ZPBP: variants seen among roughly 807,000 people sequenced by gnomAD.
ZPBP encodes the protein zona pellucida binding protein, also known as zona pellucida-binding protein 1.
A neutral mutation model predicts 44.8 loss-of-function variants in ZPBP; 26 were observed. The ratio of observed to expected loss-of-function variants is 0.58; its 90% CI spans 0.43 to 0.81. The LOEUF is 0.81. Among genes scored for constraint, ZPBP ranks in the 30% least tolerant of loss-of-function variants. ZPBP has a pLI of 0.00. For synonymous variants in ZPBP, 174 were observed against 153.2 expected, an observed-to-expected ratio of 1.14 and a Z score of -1.00; for missense variants, 409 against 434.0, an observed-to-expected ratio of 0.94 and a Z score of 0.51.
At chr7:49,958,529 G>T (rs10270352) in intron 7 of ZPBP, among the ~76,000 whole-genome samples, 1,853 of 152,250 alleles carry the variant, frequency 0.012, 14 homozygotes, top group Non-Finnish European at 0.018. Flanking sequence ...TCAGTCTCTT[G>T]CTCCATCTCA....
chr7:50,075,303 G>A (rs932910530), intron 3 of ZPBP, among the ~76,000 whole-genome samples: 3 of 151,786 alleles, frequency 2.0e-5, no homozygotes, highest in Non-Finnish European at 4.4e-5. Context: ...AGCTATTTAA[G>A]TGCCTACATT....
intron 1 of ZPBP, among the ~76,000 whole-genome samples, chr7:49,931,401 A>T (rs951170718): frequency 2.0e-5 from 3 of 152,202 alleles, no homozygotes; most frequent in South Asian, 4.1e-4. Flanking sequence ...TGATAGCAAT[A>T]TGGACAATGA....
chr7:50,012,898 A>T (rs1798653527), intron 6 of ZPBP, among the ~76,000 whole-genome samples: 1 of 136,840 alleles, frequency 7.3e-6, no homozygotes. Context: ...ATCCTCAGTA[A>T]TCTGTAAAAA....
chr7:50,071,944 C>A (rs1801859688), intron 3 of ZPBP, among the ~76,000 whole-genome samples: 1 of 152,182 alleles, frequency 6.6e-6, no homozygotes, highest in East Asian at 1.9e-4. Flanking sequence ...AGCACATGAC[C>A]AGCTGTGGTG....
chr7:49,894,706 C>T (rs1321965983), intron 2 of ZPBP, among the ~76,000 whole-genome samples: 7 of 152,182 alleles, frequency 4.6e-5, no homozygotes, highest in African/African-American at 1.7e-4. Flanking sequence ...GGGCCTAGGG[C>T]TGTCACTGAG....
chr7:49,875,280 G>C (rs1050999744), intron 2 of ZPBP, among the ~76,000 whole-genome samples: 6 of 138,292 alleles, frequency 4.3e-5, no homozygotes, highest in African/African-American at 1.6e-4. Context: ...TGAGGCAGGA[G>C]AATCGCCTGA....
chr7:50,018,724 T>C (rs1429651685), intron 5 of ZPBP, among the ~76,000 whole-genome samples: 1 of 152,022 alleles, frequency 6.6e-6, no homozygotes, highest in Non-Finnish European at 1.5e-5. Context: ...TGCAAAATGA[T>C]AGAGGTAGGA....
At chr7:50,079,381 C>T (rs2128850303) in intron 3 of ZPBP, among the ~76,000 whole-genome samples, 1 of 151,622 alleles carries the variant, frequency 6.6e-6, no homozygotes, top group South Asian at 2.1e-4. Flanking sequence ...TAATATCTGA[C>T]ACATAGTAAT....
intron 7 of ZPBP, chr7:49,943,395 AG>A: frequency 2.5e-6 from 1 of 392,972 alleles, no homozygotes; most frequent in South Asian, 2.2e-5. Context: ...ATGTATTTCC[AG>A]ATATTTCATC....
At chr7:49,865,235 A>C (rs1790828698) in intron 2 of ZPBP, among the ~76,000 whole-genome samples, 1 of 152,106 alleles carries the variant, frequency 6.6e-6, no homozygotes, top group Non-Finnish European at 1.5e-5. Flanking sequence ...AGAAAGGCAA[A>C]AGCTTCTTGA....
chr7:49,929,580 C>T (rs1461561532), intron 1 of ZPBP, among the ~76,000 whole-genome samples: 1 of 152,208 alleles, frequency 6.6e-6, no homozygotes, highest in African/African-American at 2.4e-5. Context: ...ATCATGTCCA[C>T]CTGGATAAGT....
intron 6 of ZPBP, among the ~76,000 whole-genome samples, chr7:49,996,958 T>C (rs775335639): frequency 4.6e-5 from 7 of 152,230 alleles, no homozygotes; most frequent in Non-Finnish European, 7.3e-5. Context: ...ATCCAATTAC[T>C]TCCGTTGCAT....
chr7:49,940,699 G>T, intron 7 of ZPBP: 169 of 818,602 alleles, frequency 2.1e-4, no homozygotes, highest in Non-Finnish European at 2.3e-4. Flanking sequence ...AAAAAAAATT[G>T]TGGCATTTTT....
chr7:49,987,803 T>C (rs1307697597), intron 6 of ZPBP, among the ~76,000 whole-genome samples: 1 of 151,364 alleles, frequency 6.6e-6, no homozygotes, highest in African/African-American at 2.4e-5. Context: ...TCTAATTAAC[T>C]GATTTGAAGG....
At chr7:49,938,296 C>A (rs1004367415) in intron 7 of ZPBP, among the ~76,000 whole-genome samples, 7 of 152,110 alleles carry the variant, frequency 4.6e-5, no homozygotes, top group African/African-American at 1.4e-4. Flanking sequence ...GCTAAATGTG[C>A]AATTTTGAAA....
At chr7:49,886,916 T>A (rs1257819508) in intron 2 of ZPBP, among the ~76,000 whole-genome samples, 1 of 152,228 alleles carries the variant, frequency 6.6e-6, no homozygotes, top group Non-Finnish European at 1.5e-5. Flanking sequence ...ATTTCTACTT[T>A]ATGGGTCCTT....
chr7:49,898,142 T>C (rs1792486728), intron 2 of ZPBP, among the ~76,000 whole-genome samples: 1 of 152,114 alleles, frequency 6.6e-6, no homozygotes, highest in African/African-American at 2.4e-5. Flanking sequence ...TGTATGTGTG[T>C]GTGTATATAT....
intron 7 of ZPBP, among the ~76,000 whole-genome samples, chr7:49,963,336 T>C (rs936735200): frequency 1.3e-5 from 2 of 151,780 alleles, no homozygotes; most frequent in Non-Finnish European, 3.0e-5. Flanking sequence ...TTTCTTACAA[T>C]TTTAACTTAT....
chr7:49,867,019 T>A (rs1403926049), intron 2 of ZPBP, among the ~76,000 whole-genome samples: 2 of 152,152 alleles, frequency 1.3e-5, no homozygotes, highest in Non-Finnish European at 2.9e-5. Flanking sequence ...CCGGGATAAT[T>A]CAGGACTGAT....
Sources: gnomAD v4.1 joint callset for allele counts (sites outside exome capture counted in the v4.1 genomes callset) on GRCh38, gnomAD v4.1.1 for gene constraint, MANE v1.5 for transcripts, NCBI Gene and HGNC (gene_info 2026-07-23, HGNC 2026-07-21) for gene names.